The following BORCS5 variants were observed in gnomAD, a reference collection of about 807,000 sequenced individuals.
The protein encoded by BORCS5 is BLOC-1-related complex subunit 5.
Under a neutral mutation model 22.1 loss-of-function variants are expected in BORCS5, and 17 were observed. That is an observed-to-expected ratio of 0.77 (90% CI 0.53 to 1.15). The LOEUF is 1.15. Among genes scored for constraint, BORCS5 ranks in the 50% most tolerant of loss-of-function variants. BORCS5 has a pLI of 0.00. For missense variants in BORCS5, 247 were observed against 253.2 expected (o/e 0.98, Z 0.17); for synonymous variants, 117 against 99.8 (o/e 1.17, Z -1.03).
intron 2 of BORCS5, among the ~76,000 whole-genome samples, chr12:12,409,536 A>C (rs1390366558): frequency 7.9e-5 from 12 of 152,144 alleles, no homozygotes; most frequent in Non-Finnish European, 1.6e-4. Context: ...AGCTTCATCC[A>C]TGTCCCTACA....
chr12:12,396,871 T>G (rs1437032950), intron 2 of BORCS5, among the ~76,000 whole-genome samples: 1 of 152,210 alleles, frequency 6.6e-6, no homozygotes, highest in Non-Finnish European at 1.5e-5. Context: ...AACACTAACT[T>G]AAAAAATGCT....
intron 3 of BORCS5, among the ~76,000 whole-genome samples, chr12:12,457,398 G>A (rs1160084408): frequency 2.0e-5 from 3 of 152,220 alleles, no homozygotes; most frequent in African/African-American, 4.8e-5. Context: ...GGCCGGGCGC[G>A]GTGGCTCACG....
chr12:12,414,660 G>A (rs1160536704), intron 2 of BORCS5, among the ~76,000 whole-genome samples: 23 of 89,372 alleles, frequency 2.6e-4, no homozygotes, highest in East Asian at 5.2e-4. Flanking sequence ...CTCACCTCCC[G>A]GACGGGGCGG....
intron 2 of BORCS5, among the ~76,000 whole-genome samples, chr12:12,426,097 A>G (rs1293679167): frequency 2.0e-5 from 3 of 152,246 alleles, no homozygotes; most frequent in African/African-American, 4.8e-5. Context: ...TTAAATGGCA[A>G]TCCTTGGATT....
chr12:12,357,257 A>G lies in BORCS5; in HGVS notation c.-195A>G. Reference sequence around the variant, plus strand: ...CGCCTCCTTGCGTTTCTGTTCCCCAAATAGGGCCTCTCCTTCTCCCGCCGC... The same window carrying G: ...CGCCTCCTTGCGTTTCTGTTCCCCAGATAGGGCCTCTCCTTCTCCCGCCGC... On this transcript the variant is annotated 5_prime_UTR_variant, in exon 1 of 4. Transcript: ENST00000314565. 2.0e-6 allele frequency: 3 copies of G among 1,466,168 alleles called. No individual in the cohort carries two copies. Among genetic ancestry groups the G allele is most frequent in the South Asian group, 2.7e-5 (2 of 73,478 alleles). The allele number at this position is 1,466,168 out of a possible 1,614,324, so 90.8% of individuals were successfully genotyped here.
At chr12:12,427,083 T>C (rs1592117465) in intron 2 of BORCS5, among the ~76,000 whole-genome samples, 1 of 152,116 alleles carries the variant, frequency 6.6e-6, no homozygotes. Context: ...GCACACTTTT[T>C]CTAAGTATCC....
At chr12:12,377,326 G>A (rs1421213119) in intron 2 of BORCS5, among the ~76,000 whole-genome samples, 7 of 151,928 alleles carry the variant, frequency 4.6e-5, no homozygotes, top group African/African-American at 9.7e-5. Context: ...CTACAGGCGC[G>A]CACCACCATG....
At chr12:12,456,181 C>T (rs1942995559) in intron 3 of BORCS5, among the ~76,000 whole-genome samples, 1 of 152,212 alleles carries the variant, frequency 6.6e-6, no homozygotes, top group Non-Finnish European at 1.5e-5. Context: ...TGCCTGTAAT[C>T]CCAACACTTT....
chr12:12,376,338 A>G (rs1161465328), intron 2 of BORCS5, among the ~76,000 whole-genome samples: 1 of 149,252 alleles, frequency 6.7e-6, no homozygotes, highest in Non-Finnish European at 1.5e-5. Flanking sequence ...GGTTCACGCC[A>G]TTCTCCTGCC....
chr12:12,366,984 T>C (rs1009493714), intron 2 of BORCS5, among the ~76,000 whole-genome samples: 2 of 152,188 alleles, frequency 1.3e-5, no homozygotes, highest in African/African-American at 4.8e-5. Context: ...GTGTAGATAC[T>C]GAAGTGATAC....
At position 12,357,509 on chromosome 12, in the gene BORCS5, G is replaced by C. The variant is rs1380556639; in HGVS notation, c.58G>C (p.Val20Leu). 1.4e-5 allele frequency: 22 copies of C among 1,608,072 alleles called. No homozygotes were observed. Among genetic ancestry groups the C allele is most frequent in the Non-Finnish European group, 1.9e-5 (22 of 1,175,324 alleles). ...ESRPNDLNSS[V>L]TPSPAKHRAK... ...CCGACCCAACGATCTGAACTCCTCAGGTCGGTGTCCTAACCTCCCACCCTC... is the reference window on the plus strand; with the variant it reads ...CCGACCCAACGATCTGAACTCCTCACGTCGGTGTCCTAACCTCCCACCCTC... The change falls in exon 1 of 4, where the codon GTG becomes CTG. Residue 20 changes from valine to leucine, a missense_variant and splice_region_variant. Transcript: ENST00000314565.
intron 1 of BORCS5, among the ~76,000 whole-genome samples, chr12:12,360,502 C>T (rs1482550313): frequency 6.6e-6 from 1 of 151,938 alleles, no homozygotes; most frequent in Admixed American, 6.6e-5. Context: ...AGTGATCCTC[C>T]CATCTCAGCT....
chr12:12,443,848 T>TTCTTCTCCCTCCCCTGC (rs1442126133), intron 3 of BORCS5, among the ~76,000 whole-genome samples: 5 of 152,334 alleles, frequency 3.3e-5, no homozygotes, highest in Admixed American at 3.3e-4. Flanking sequence ...AGAGCCCCTG[T>TTCTTCTCCCTCCCCTGC]TCTTCTCCCT....
chr12:12,441,892 G>A (rs1284957955), intron 3 of BORCS5, among the ~76,000 whole-genome samples: 3 of 152,150 alleles, frequency 2.0e-5, no homozygotes, highest in Non-Finnish European at 4.4e-5. Context: ...GAAGCTGGAT[G>A]GTGGCAAACC....
intron 2 of BORCS5, among the ~76,000 whole-genome samples, chr12:12,367,546 A>C (rs920524754): frequency 6.6e-6 from 1 of 152,244 alleles, no homozygotes; most frequent in African/African-American, 2.4e-5. Flanking sequence ...AAACATGGCT[A>C]TTCAGAGAAG....
intron 2 of BORCS5, among the ~76,000 whole-genome samples, chr12:12,398,288 T>C (rs1565867483): frequency 6.6e-6 from 1 of 152,218 alleles, no homozygotes; most frequent in Non-Finnish European, 1.5e-5. Context: ...TTTAAAATTT[T>C]TTTTTTCCAT....
At chr12:12,363,584 A>G (rs1278196120) in intron 2 of BORCS5, among the ~76,000 whole-genome samples, 1 of 152,200 alleles carries the variant, frequency 6.6e-6, no homozygotes, top group Non-Finnish European at 1.5e-5. Flanking sequence ...AAGTACAAAA[A>G]AAATTAGCCG....
At chr12:12,386,631 G>GCCA (rs945607905) in intron 2 of BORCS5, among the ~76,000 whole-genome samples, 6 of 52,960 alleles carry the variant, frequency 1.1e-4, no homozygotes, top group African/African-American at 4.2e-4. Flanking sequence ...ACAGGCACGT[G>GCCA]CTAGTTTTTT....
intron 3 of BORCS5, among the ~76,000 whole-genome samples, chr12:12,443,488 G>A (rs1346224629): frequency 6.6e-6 from 1 of 152,206 alleles, no homozygotes; most frequent in Admixed American, 6.5e-5. Flanking sequence ...AAATCCAGGT[G>A]GGGGAGTGGG....
Sources: allele counts gnomAD v4.1 joint callset (sites outside exome capture counted in the v4.1 genomes callset), GRCh38; gene constraint gnomAD v4.1.1; transcripts MANE v1.5; gene names NCBI Gene and HGNC (gene_info 2026-07-23, HGNC 2026-07-21).